The following MRPS35 variants were observed in gnomAD, a reference collection of about 807,000 sequenced individuals.
MRPS35 encodes mitochondrial ribosomal protein S35, also known as small ribosomal subunit protein mS35.
Under a neutral mutation model 32.7 loss-of-function variants are expected in MRPS35, and 29 were observed. That is an observed-to-expected ratio of 0.89 (90% CI 0.66 to 1.21). The LOEUF (loss-of-function observed/expected upper bound fraction) is 1.21. MRPS35 is among the 50% of genes most tolerant of loss of function. MRPS35 has a pLI of 0.00. For synonymous variants in MRPS35, 148 were observed against 139.3 expected (o/e 1.06, Z -0.44); for missense variants, 373 against 383.8 (o/e 0.97, Z 0.23).
At chr12:27,738,913 CTTTTTT>C (rs60150957) in intron 7 of MRPS35, among the ~76,000 whole-genome samples, 73 of 139,822 alleles carry the variant, frequency 5.2e-4, no homozygotes, top group African/African-American at 1.8e-3. Context: ...TTACTGAGAA[CTTTTTT>C]TTTTTTTTTT....
At chr12:27,739,718 G>A (rs1413639922) in intron 7 of MRPS35, among the ~76,000 whole-genome samples, 2 of 152,156 alleles carry the variant, frequency 1.3e-5, no homozygotes, top group East Asian at 3.8e-4. Context: ...TATGGCTGTT[G>A]CTGCTTAAAG....
Position 27,755,764 on chromosome 12 carries a change from C to G in MRPS35, c.*314C>G, listed in dbSNP as rs2062023828. 1 of 163,676 alleles carries G rather than the reference C, an allele frequency of 6.1e-6. No individual in the cohort carries two copies. The allele number at this position is 163,676 out of a possible 1,614,324, so 10.1% of individuals were successfully genotyped here. A position where few individuals can be genotyped will look rare whatever the true frequency, so the allele number is the denominator to read the frequency against. ...TTTATCACCTTTCCCATTTCTTTCC[C>G]CACAAGCTGGCATTTCAGTAGTTGC... is the stretch of plus-strand genomic sequence containing the variant. On this transcript the variant is annotated 3_prime_UTR_variant, in exon 8 of 8. Coordinates refer to ENST00000081029, the MANE Select transcript of MRPS35 (RefSeq NM_021821.4).
In MRPS35 at chr12:27,711,076, G is replaced by A. The variant is rs113994993; in HGVS notation, c.112+121G>A. The A allele has an allele frequency of 3.3e-3, 2,754 of 839,554 alleles. 54 individuals are homozygous for A. The African/African-American group carries it at 0.04, about 12-fold the overall frequency. The allele number at this position is 839,554 out of a possible 1,614,324, so 52.0% of individuals were successfully genotyped here. On this transcript the variant is annotated intron_variant, in intron 1 of 7. Coordinates refer to ENST00000081029, the MANE Select transcript of MRPS35 (RefSeq NM_021821.4). The stretch of plus-strand genomic sequence containing the variant: ...CCCGGGGGAGGCCAGTGCGTCCGCT[G>A]CCAGGCCCGTCTGGTAGGAAAACCA...
At chr12:27,746,092 C>T (rs2140780740) in intron 7 of MRPS35, among the ~76,000 whole-genome samples, 1 of 152,230 alleles carries the variant, frequency 6.6e-6, no homozygotes, top group East Asian at 1.9e-4. Flanking sequence ...GATGCTTAGG[C>T]CCTGCAGAAT....
chr12:27,734,242 C>CTTTTTTTTT (rs34818669), intron 5 of MRPS35, among the ~76,000 whole-genome samples: 1 of 135,542 alleles, frequency 7.4e-6, no homozygotes, highest in African/African-American at 2.7e-5. Context: ...AACCTATCTT[C>CTTTTTTTTT]TTTTTTTTTT....
At position 27,710,839 on chromosome 12, in the gene MRPS35, C is replaced by A; in HGVS notation, c.-5C>A. The A allele has an allele frequency of 6.2e-7, 1 of 1,603,452 alleles. No individual in the cohort carries two copies. The highest frequency in any genetic ancestry group is 8.5e-7 in the Non-Finnish European group (1 of 1,178,676). On this transcript the variant is annotated 5_prime_UTR_variant, in exon 1 of 8. Transcript: ENST00000081029. ...TGTCCCCTCCGGCTTGCCGTCCTCGCAGCCATGGCGGCCGCCGCGCTCCCA... is the reference window on the plus strand; with the variant it reads ...TGTCCCCTCCGGCTTGCCGTCCTCGAAGCCATGGCGGCCGCCGCGCTCCCA...
intron 1 of MRPS35, 107 bp from the exon 2 acceptor site, chr12:27,714,673 C>A (rs879040438): frequency 2.3e-4 from 144 of 627,782 alleles, no homozygotes; most frequent in Non-Finnish European, 3.0e-4. Flanking sequence ...TGTTATGTTA[C>A]TAAATACCTT....
Position 27,719,853 on chromosome 12 carries a change from T to C in MRPS35, c.367T>C (p.Cys123Arg). The C allele has an allele frequency of 6.2e-7, 1 of 1,606,708 alleles. No individual in the cohort carries two copies. The highest frequency in any genetic ancestry group is 8.5e-7 in the Non-Finnish European group (1 of 1,174,304). The change falls in exon 4 of 8, where the codon TGT becomes CGT. Residue 123 changes from cysteine (C) to arginine (R), a missense_variant. Coordinates refer to ENST00000081029, the MANE Select transcript of MRPS35 (RefSeq NM_021821.4). ...HLTPVAIKKH[C>R]EALKDFCTEW... ...GACTCCTGTAGCAATTAAAAAGCAC[T>C]GTGAAGCCCTTAAAGGTAAGTGGTT...
At chr12:27,716,746 G>A (rs2061852755) in intron 3 of MRPS35, among the ~76,000 whole-genome samples, 1 of 152,124 alleles carries the variant, frequency 6.6e-6, no homozygotes, top group South Asian at 2.1e-4. Flanking sequence ...CTGGCACTTT[G>A]GGAGGCCGAG....
intron 5 of MRPS35, among the ~76,000 whole-genome samples, chr12:27,735,031 T>C (rs543987897): frequency 5.3e-5 from 8 of 152,352 alleles, no homozygotes; most frequent in African/African-American, 1.7e-4. Flanking sequence ...ATGGTAGAAC[T>C]TGTAATGATG....
At chr12:27,747,769 C>G (rs2061986173) in intron 7 of MRPS35, among the ~76,000 whole-genome samples, 1 of 152,086 alleles carries the variant, frequency 6.6e-6, no homozygotes, top group Admixed American at 6.6e-5. Flanking sequence ...TACATTGACC[C>G]TTGCATGAAT....
intron 4 of MRPS35, 123 bp downstream of exon 4, chr12:27,719,991 G>A: frequency 1.4e-6 from 1 of 701,500 alleles, no homozygotes; most frequent in Non-Finnish European, 2.4e-6. Context: ...TACATGTCAA[G>A]TCTGCAAATT....
chr12:27,715,502 A>G (rs2061846248), intron 2 of MRPS35, among the ~76,000 whole-genome samples: 1 of 152,206 alleles, frequency 6.6e-6, no homozygotes, highest in South Asian at 2.1e-4. Context: ...CACCCTGTGG[A>G]CATTTGGATT....
intron 2 of MRPS35, among the ~76,000 whole-genome samples, chr12:27,715,870 C>A (rs1467566431): frequency 6.6e-6 from 1 of 152,032 alleles, no homozygotes; most frequent in East Asian, 1.9e-4. Context: ...TCAGTTTAAC[C>A]CTAATTATTT....
chr12:27,735,530 AG>A lies in MRPS35; in HGVS notation c.607del (p.Asp203MetfsTer12), dbSNP rs1406369490. 1.9e-6 allele frequency: 3 copies of A among 1,611,956 alleles called. No homozygotes were observed. In the South Asian group the frequency reaches 3.3e-5, roughly 18 times the overall value. ...LVGERYCKTT[D>X]VLTIKTDRCP... ...TAGGAGAGCGATACTGCAAGACCAC[AG>A]ATGTGCTTACCATCAAAACAGATAG... On this transcript the variant is annotated frameshift_variant, in exon 6 of 8. Coordinates refer to ENST00000081029, the MANE Select transcript of MRPS35 (RefSeq NM_021821.4). LOFTEE classifies it high-confidence loss of function.
intron 7 of MRPS35, among the ~76,000 whole-genome samples, chr12:27,748,205 T>C (rs905162719): frequency 6.6e-6 from 1 of 152,210 alleles, no homozygotes; most frequent in Admixed American, 6.5e-5. Context: ...GGGATCACAA[T>C]ATTCATCTGA....
chr12:27,735,542 C>T lies in MRPS35; in HGVS notation c.618C>T (p.Thr206=). 1 of 1,609,622 alleles carries T rather than the reference C, an allele frequency of 6.2e-7. No homozygotes were observed. Among genetic ancestry groups the T allele is most frequent in the Non-Finnish European group, 8.5e-7 (1 of 1,178,046 alleles). Residue 206 remains threonine, a synonymous_variant, in exon 6 of 8, where the codon ACC becomes ACT. Transcript: ENST00000081029. ...ERYCKTTDVL[T]IKTDRCPLRR... ...ACTGCAAGACCACAGATGTGCTTACCATCAAAACAGATAGGTAATGGAAAA... is the reference window on the plus strand; with the variant it reads ...ACTGCAAGACCACAGATGTGCTTACTATCAAAACAGATAGGTAATGGAAAA...
chr12:27,737,677 C>A (rs2061948023), intron 7 of MRPS35, 69 bp downstream of exon 7: 3 of 1,270,444 alleles, frequency 2.4e-6, no homozygotes, highest in Non-Finnish European at 3.4e-6. Flanking sequence ...TCAAAATACT[C>A]TTTGTGGCAA....
intron 1 of MRPS35, 106 bp from the exon 2 acceptor site, chr12:27,714,674 T>G (rs2061842432): frequency 2.6e-6 from 2 of 767,038 alleles, no homozygotes; most frequent in East Asian, 5.9e-5. Context: ...GTTATGTTAC[T>G]AAATACCTTA....
Sources: allele counts gnomAD v4.1 joint callset (sites outside exome capture counted in the v4.1 genomes callset), GRCh38; gene constraint gnomAD v4.1.1; transcripts MANE v1.5; gene names NCBI Gene and HGNC (gene_info 2026-07-23, HGNC 2026-07-21).